STARD9: variants seen among roughly 807,000 people sequenced by gnomAD.
The protein encoded by STARD9 is StAR related lipid transfer domain containing 9.
A neutral mutation model predicts 399.8 loss-of-function variants in STARD9; 346 were observed. The observed-to-expected ratio is 0.87, with a 90% CI of 0.79 to 0.95. STARD9 has a LOEUF of 0.95. STARD9 is among the 40% of genes least tolerant of loss of function. The pLI is 0.00. For synonymous variants in STARD9, 2,203 were observed against 2,143.5 expected, an observed-to-expected ratio of 1.03 and a Z score of -0.77; for missense variants, 5,832 against 5,667.5, an observed-to-expected ratio of 1.03 and a Z score of -0.93.
chr15:42,649,110 A>T (rs1240171823), intron 7 of STARD9, among the ~76,000 whole-genome samples: 1 of 151,578 alleles, frequency 6.6e-6, no homozygotes, highest in Non-Finnish European at 1.5e-5. Context: ...GCTCACTGCA[A>T]CCTCCACCTC....
chr15:42,717,601 G>A, intron 28 of STARD9, 130 bp from the exon 29 acceptor site: 1 of 809,634 alleles, frequency 1.2e-6, no homozygotes, highest in Non-Finnish European at 2.0e-6. Context: ...CTCCAGCCTG[G>A]GTGACAGAGC....
chr15:42,584,125 C>G (rs374068397), intron 2 of STARD9, among the ~76,000 whole-genome samples: 2 of 151,968 alleles, frequency 1.3e-5, no homozygotes, highest in East Asian at 3.9e-4. Flanking sequence ...GGAAGCTGAC[C>G]ATGTGACTTT....
At chr15:42,625,492 G>A (rs938560226) in intron 3 of STARD9, among the ~76,000 whole-genome samples, 8 of 150,556 alleles carry the variant, frequency 5.3e-5, no homozygotes, top group Non-Finnish European at 5.9e-5. Context: ...CACCACTCCC[G>A]GCTAATTTTT....
chr15:42,703,510 C>T (rs1197393688), intron 26 of STARD9, among the ~76,000 whole-genome samples: 1 of 150,838 alleles, frequency 6.6e-6, no homozygotes, highest in African/African-American at 2.4e-5. Flanking sequence ...ATTATAGGCG[C>T]CAGCCACCAT....
Position 42,598,326 on chromosome 15 carries a change from C to T in STARD9, c.234+12689C>T, listed in dbSNP as rs187401921. Among the ~76,000 whole-genome samples the T allele has an allele frequency of 4.9e-3, 739 of 152,070 alleles. 10 individuals are homozygous for T. The highest frequency in any genetic ancestry group is 0.017 in the African/African-American group (702 of 41,468). On this transcript the variant is annotated intron_variant, in intron 3 of 32. Coordinates refer to ENST00000290607, the MANE Select transcript of STARD9 (RefSeq NM_020759.3). ...GATTACAGGTGTGAGCCACCGTGCC[C>T]GGCCCAGCCTATATTTTTAATGTAG...
Position 42,598,440 on chromosome 15 carries a change from G to GT in STARD9, c.234+12815dup, listed in dbSNP as rs796269305. Reference sequence around the variant, plus strand: ...CTGAGATTATAAATGTATTCATCATGTTTTTTTTTTTTCCTGGCATGGTAA... The same window carrying GT: ...CTGAGATTATAAATGTATTCATCATGTTTTTTTTTTTTTCCTGGCATGGTAA... On this transcript the variant is annotated intron_variant, in intron 3 of 32. Transcript: ENST00000290607. Among the ~76,000 whole-genome samples, 1,397 of 141,460 alleles carry GT rather than the reference G, an allele frequency of 9.9e-3. 14 individuals are homozygous for GT. The highest frequency in any genetic ancestry group is 0.023 in the African/African-American group (888 of 38,782). The allele number at this position is 141,460 out of a possible 152,430, so 92.8% of individuals were successfully genotyped here.
chr15:42,663,189 A>C, intron 11 of STARD9, 92 bp from the exon 12 acceptor site: 21 of 1,123,196 alleles, frequency 1.9e-5, no homozygotes, highest in Non-Finnish European at 2.4e-5. Context: ...GAAATATGAT[A>C]CTTAAGTCTG....
chr15:42,593,579 G>A (rs2058442198), intron 3 of STARD9, among the ~76,000 whole-genome samples: 3 of 150,088 alleles, frequency 2.0e-5, no homozygotes, highest in Non-Finnish European at 4.4e-5. Flanking sequence ...GAGTGAGCAG[G>A]AGATTTTTGT....
At chr15:42,645,917 T>G (rs1466705450) in intron 7 of STARD9, among the ~76,000 whole-genome samples, 1 of 151,772 alleles carries the variant, frequency 6.6e-6, no homozygotes, top group African/African-American at 2.4e-5. Flanking sequence ...CCCAGCACTT[T>G]GGGAGGTTGA....
Position 42,694,040 on chromosome 15 carries a change from G to C in STARD9, c.12462G>C (p.Gly4154=), listed in dbSNP as rs992150447. ...GTGGGGTTCAGAAGGGCTCACCTGG[G>C]GGGTTGGACATGACTGAGGAGGAGC... ...NWCGVQKGSP[G]GLDMTEEELG... The change falls in exon 23 of 33, where the codon GGG becomes GGC. Residue 4154 remains glycine, a synonymous_variant. Transcript: ENST00000290607. The C allele has an allele frequency of 6.5e-7, 1 of 1,535,118 alleles. No homozygotes were observed. Among genetic ancestry groups the C allele is most frequent in the East Asian group, 2.4e-5 (1 of 40,896 alleles).
At chr15:42,712,974 A>G (rs186462510) in intron 26 of STARD9, among the ~76,000 whole-genome samples, 5 of 152,266 alleles carry the variant, frequency 3.3e-5, no homozygotes, top group African/African-American at 7.2e-5. Flanking sequence ...CAGCTTGTCA[A>G]TTTCTGCAAA....
chr15:42,700,550 A>G (rs889269084), intron 26 of STARD9, among the ~76,000 whole-genome samples: 2 of 152,078 alleles, frequency 1.3e-5, no homozygotes, highest in African/African-American at 4.8e-5. Flanking sequence ...CATTTTTTTC[A>G]TATACCTGTT....
rs779482536 is a variant in STARD9 at position 42,695,868 on chromosome 15, C to T, written c.13272C>T (p.Phe4424=). The T allele has an allele frequency of 1.0e-5, 16 of 1,537,110 alleles. No individual in the cohort carries two copies. The highest frequency in any genetic ancestry group is 1.4e-5 in the Non-Finnish European group (16 of 1,146,808). Residue 4424 remains phenylalanine, a synonymous_variant, in exon 26 of 33, where the codon TTC becomes TTT. Transcript: ENST00000290607. ...CAGCCTTGTCAGGCCAGCTCCAGTT[C>T]CCAGAGAATATGGTGAGTAGGCAGA... ...SSPALSGQLQ[F]PENMGHTNLP... is the part of the protein sequence containing the mutation.
intron 3 of STARD9, among the ~76,000 whole-genome samples, chr15:42,629,476 A>G (rs2059287564): frequency 6.6e-6 from 1 of 152,160 alleles, no homozygotes; most frequent in South Asian, 2.1e-4. Context: ...TTGATTTTGT[A>G]TCTTGCAAGT....
intron 28 of STARD9, 146 bp from the exon 29 acceptor site, chr15:42,717,585 A>G (rs1421048689): frequency 1.4e-6 from 1 of 730,584 alleles, no homozygotes; most frequent in Non-Finnish European, 2.4e-6. Flanking sequence ...TGATTACGCC[A>G]CTCCACTCCA....
At chr15:42,611,327 A>G (rs1362948524) in intron 3 of STARD9, among the ~76,000 whole-genome samples, 2 of 152,240 alleles carry the variant, frequency 1.3e-5, no homozygotes, top group Non-Finnish European at 2.9e-5. Flanking sequence ...GGCTCTTGAT[A>G]GAAAAAGTTT....
intron 10 of STARD9, among the ~76,000 whole-genome samples, chr15:42,662,110 A>G (rs2060004357): frequency 6.6e-6 from 1 of 152,138 alleles, no homozygotes. Flanking sequence ...ACATAACAAC[A>G]TAGCTCAACC....
Position 42,687,969 on chromosome 15 carries a change from G to A in STARD9, c.6391G>A (p.Gly2131Arg). The change falls in exon 23 of 33, where the codon GGA (glycine) becomes AGA (arginine). Residue 2131 changes from glycine (G) to arginine (R), a missense_variant. Gly to Arg is a moderately radical substitution (Grantham distance 125, BLOSUM62 -2). Coordinates refer to ENST00000290607, the MANE Select transcript of STARD9 (RefSeq NM_020759.3). Reference protein sequence around the residue: ...DDTVFRDSEAGAMEVNSIGNH... With the variant: ...DDTVFRDSEARAMEVNSIGNH... Reference sequence around the variant, plus strand: ...TACTGTCTTTAGGGATAGTGAAGCTGGAGCGATGGAGGTTAACAGCATTGG... The same window carrying A: ...TACTGTCTTTAGGGATAGTGAAGCTAGAGCGATGGAGGTTAACAGCATTGG... 2 of 1,537,450 alleles carry A rather than the reference G, an allele frequency of 1.3e-6. No homozygotes were observed. The highest frequency in any genetic ancestry group is 1.2e-5 in the South Asian group (1 of 84,070).
intron 1 of STARD9, among the ~76,000 whole-genome samples, chr15:42,577,534 T>A (rs1163143437): frequency 1.3e-5 from 2 of 152,196 alleles, no homozygotes; most frequent in African/African-American, 2.4e-5. Context: ...CAGTAGAGAA[T>A]AACATACCAA....
Sources: allele counts gnomAD v4.1 joint callset (sites outside exome capture counted in the v4.1 genomes callset), GRCh38; gene constraint gnomAD v4.1.1; transcripts MANE v1.5; gene names NCBI Gene and HGNC (gene_info 2026-07-23, HGNC 2026-07-21).